The following FANK1 variants were observed in gnomAD, a reference collection of about 807,000 sequenced individuals.
FANK1 encodes fibronectin type III and ankyrin repeat domains 1, also known as fibronectin type 3 and ankyrin repeat domains protein 1.
In FANK1, 44 loss-of-function variants were observed where a neutral mutation model predicts 45.3. The ratio of observed to expected loss-of-function variants is 0.97; its 90% CI spans 0.76 to 1.25. The LOEUF is 1.25. Ranked by LOEUF, FANK1 falls within the 50% of genes most tolerant of loss-of-function variation. FANK1 has a pLI of 0.00. For synonymous variants in FANK1, 149 were observed against 152.5 expected, an observed-to-expected ratio of 0.98 and a Z score of 0.17; for missense variants, 391 against 424.4, an observed-to-expected ratio of 0.92 and a Z score of 0.69.
chr10:125,908,222 C>T (rs138020910), intron 1 of FANK1, among the ~76,000 whole-genome samples: 1 of 152,140 alleles, frequency 6.6e-6, no homozygotes, highest in Non-Finnish European at 1.5e-5. Context: ...TCTCGAACTC[C>T]TCACCTCAGG....
intron 1 of FANK1, among the ~76,000 whole-genome samples, chr10:125,909,400 GT>G (rs139701540): frequency 3.6e-4 from 53 of 148,692 alleles, no homozygotes; most frequent in African/African-American, 1.2e-3. Flanking sequence ...TTATGTCTTT[GT>G]TTTTTTTTCA....
chr10:125,977,173 G>A (rs1950904817), intron 1 of FANK1, among the ~76,000 whole-genome samples: 1 of 152,144 alleles, frequency 6.6e-6, no homozygotes, highest in South Asian at 2.1e-4. Context: ...TGACACTCTG[G>A]CCATCTGAGT....
intron 1 of FANK1, among the ~76,000 whole-genome samples, chr10:125,923,321 TG>T (rs1947078457): frequency 6.7e-6 from 1 of 150,348 alleles, no homozygotes; most frequent in African/African-American, 2.4e-5. Context: ...ATTAGCTTGG[TG>T]TGGTGGTGGG....
At chr10:125,956,202 T>TGGGGGGGG (rs71486556) in intron 1 of FANK1, among the ~76,000 whole-genome samples, 1 of 72,416 alleles carries the variant, frequency 1.4e-5, no homozygotes, top group African/African-American at 5.1e-5. Context: ...ATACATTTTT[T>TGGGGGGGG]GGGGGGGGGG....
intron 1 of FANK1, among the ~76,000 whole-genome samples, chr10:125,908,027 C>T (rs10901465): frequency 0.37 from 55,273 of 147,812 alleles, 10,824 homozygotes; most frequent in Non-Finnish European, 0.44. Flanking sequence ...CAAGAGTTTC[C>T]CTCTTGTTTC....
chr10:125,911,627 A>AT (rs1400001340), intron 1 of FANK1, among the ~76,000 whole-genome samples: 6 of 152,254 alleles, frequency 3.9e-5, no homozygotes, highest in African/African-American at 1.4e-4. Context: ...TAGACGGGTT[A>AT]TACCAGTTTA....
At chr10:125,981,139 T>C (rs1951181969) in intron 2 of FANK1, among the ~76,000 whole-genome samples, 1 of 152,232 alleles carries the variant, frequency 6.6e-6, no homozygotes, top group African/African-American at 2.4e-5. Context: ...AGCCGGTTCC[T>C]TGACAGTGCT....
At chr10:125,991,373 G>A (rs1289403014) in intron 3 of FANK1, among the ~76,000 whole-genome samples, 3 of 152,080 alleles carry the variant, frequency 2.0e-5, no homozygotes, top group African/African-American at 7.2e-5. Context: ...GGCTGTACTG[G>A]GTGGTGAGGA....
intron 1 of FANK1, among the ~76,000 whole-genome samples, chr10:125,918,556 CAAAAAA>C (rs1156446362): frequency 5.6e-4 from 4 of 7,100 alleles, no homozygotes; most frequent in Non-Finnish European, 6.0e-4. Context: ...GCCTCTGTCT[CAAAAAA>C]AAAAAAAAAA....
Position 125,929,126 on chromosome 10 carries a change from C to T in FANK1, c.13+32471C>T, listed in dbSNP as rs116283771. Among the ~76,000 whole-genome samples the T allele has an allele frequency of 4.6e-3, 696 of 152,294 alleles. 2 individuals are homozygous for T. Among genetic ancestry groups the T allele is most frequent in the African/African-American group, 0.015 (641 of 41,544 alleles). On this transcript the variant is annotated intron_variant, in intron 1 of 10. Transcript: ENST00000368693. The stretch of plus-strand genomic sequence containing the variant: ...ACAGGAGTCCACGAAATATGAGACT[C>T]ACAGAAGAGCCAGGTGGTTGAAGCT...
chr10:125,917,039 T>G (rs1005243615), intron 1 of FANK1, among the ~76,000 whole-genome samples: 46 of 152,248 alleles, frequency 3.0e-4, no homozygotes, highest in Admixed American at 1.8e-3. Context: ...TTCTCTCCAC[T>G]TTTCATCAAA....
At chr10:126,005,598 G>C (rs1263287279) in intron 7 of FANK1, among the ~76,000 whole-genome samples, 2 of 152,110 alleles carry the variant, frequency 1.3e-5, no homozygotes, top group Non-Finnish European at 2.9e-5. Context: ...GTGAGCCACC[G>C]TGCCCAGCCT....
chr10:125,947,925 C>T (rs1476846405), intron 1 of FANK1, among the ~76,000 whole-genome samples: 2 of 147,622 alleles, frequency 1.4e-5, no homozygotes, highest in African/African-American at 5.0e-5. Flanking sequence ...TCTCAGACCA[C>T]AGTGCAATCA....
intron 1 of FANK1, 120 bp from the exon 2 acceptor site, chr10:125,980,041 C>T (rs2138275): frequency 0.41 from 415,072 of 1,014,382 alleles, 86,341 homozygotes; most frequent in South Asian, 0.46. Flanking sequence ...GAGGTATGCT[C>T]ATATGTGTGC....
At chr10:125,980,446 T>C (rs1951130056) in intron 2 of FANK1, 108 bp downstream of exon 2, 2 of 1,253,370 alleles carry the variant, frequency 1.6e-6, no homozygotes, top group Non-Finnish European at 2.2e-6. Flanking sequence ...AAAGAATGAG[T>C]CAGCATCATT....
intron 2 of FANK1, among the ~76,000 whole-genome samples, chr10:125,984,217 A>C (rs1005068190): frequency 6.6e-6 from 1 of 152,138 alleles, no homozygotes; most frequent in Non-Finnish European, 1.5e-5. Flanking sequence ...TCCATCCTGC[A>C]TTGTCCTCCT....
intron 1 of FANK1, among the ~76,000 whole-genome samples, chr10:125,906,102 G>A (rs1297439031): frequency 2.6e-5 from 4 of 152,288 alleles, no homozygotes; most frequent in African/African-American, 9.6e-5. Context: ...TATGGTTCAC[G>A]TTCAACAGAA....
At chr10:125,961,259 A>G (rs1390101932) in intron 1 of FANK1, among the ~76,000 whole-genome samples, 1 of 152,172 alleles carries the variant, frequency 6.6e-6, no homozygotes, top group Non-Finnish European at 1.5e-5. Flanking sequence ...GGTACGTGCA[A>G]CCATGCCTAG....
intron 1 of FANK1, among the ~76,000 whole-genome samples, chr10:125,911,189 T>C (rs923991102): frequency 2.0e-5 from 3 of 152,008 alleles, no homozygotes; most frequent in African/African-American, 7.3e-5. Flanking sequence ...CAAGCGTCCT[T>C]ATAAGTGGGA....
Sources: gnomAD v4.1 joint callset for allele counts (sites outside exome capture counted in the v4.1 genomes callset) on GRCh38, gnomAD v4.1.1 for gene constraint, MANE v1.5 for transcripts, NCBI Gene and HGNC (gene_info 2026-07-23, HGNC 2026-07-21) for gene names.